PUS7L: variants seen among roughly 807,000 people sequenced by gnomAD.
PUS7L encodes pseudouridine synthase 7 like, also known as pseudouridylate synthase PUS7L.
In PUS7L, 49 loss-of-function variants were observed where a neutral mutation model predicts 51.1. That is an observed-to-expected ratio of 0.96 (90% CI 0.76 to 1.22). The LOEUF is 1.22. Among genes scored for constraint, PUS7L ranks in the 50% most tolerant of loss-of-function variants. The probability of loss-of-function intolerance (pLI) is 0.00; values close to 1 mark genes in which losing one functional copy is unlikely to be tolerated. For synonymous variants in PUS7L, 277 were observed against 276.2 expected, an observed-to-expected ratio of 1.00 and a Z score of -0.03; for missense variants, 828 against 820.6, an observed-to-expected ratio of 1.01 and a Z score of -0.11.
intron 5 of PUS7L, among the ~76,000 whole-genome samples, chr12:43,740,558 C>G (rs1937849746): frequency 6.6e-6 from 1 of 152,040 alleles, no homozygotes; most frequent in South Asian, 2.1e-4. Flanking sequence ...AAACTGAGAC[C>G]TAAAGAATAT....
At chr12:43,738,865 T>C (rs1937743461) in intron 5 of PUS7L, 2 of 308,944 alleles carry the variant, frequency 6.5e-6, no homozygotes, top group South Asian at 4.1e-5. Context: ...CAAGAAAACC[T>C]AGCATATTTC....
intron 1 of PUS7L, among the ~76,000 whole-genome samples, chr12:43,757,869 G>A (rs1250937762): frequency 6.6e-6 from 1 of 152,220 alleles, no homozygotes; most frequent in African/African-American, 2.4e-5. Context: ...CAGATACAGA[G>A]CAGTGGGGAT....
chr12:43,742,887 TACCAAG>T (rs568482179), intron 4 of PUS7L, among the ~76,000 whole-genome samples: 89 of 152,338 alleles, frequency 5.8e-4, no homozygotes, highest in Admixed American at 2.3e-3. Context: ...GATCACCTAG[TACCAAG>T]ATCTGATCCC....
intron 1 of PUS7L, among the ~76,000 whole-genome samples, chr12:43,757,024 C>T (rs1014700973): frequency 6.6e-6 from 1 of 152,218 alleles, no homozygotes; most frequent in African/African-American, 2.4e-5. Context: ...ACCCACTATA[C>T]TCCAGCTACT....
In PUS7L at chr12:43,727,665, G is replaced by A. The variant is rs1471366359; in HGVS notation, c.*2711C>T. 6.6e-6 allele frequency: 1 copy of A among 152,086 alleles called. No homozygotes were observed. Among genetic ancestry groups the A allele is most frequent in the Non-Finnish European group, 1.5e-5 (1 of 67,992 alleles). 9.4% of individuals were successfully genotyped at this position (152,086 alleles called of 1,614,324 possible). On this transcript the variant is annotated 3_prime_UTR_variant, in exon 9 of 9. Transcript: ENST00000344862. ...CTTGGACTCTAAGAAGGGAACAATA[G>A]GCACCATGGCCTACTTGAGGGTGGA...
Position 43,728,341 on chromosome 12 carries a change from C to G in PUS7L, c.*2035G>C, listed in dbSNP as rs141636444. The stretch of plus-strand genomic sequence containing the variant: ...TCAATAAATGTCTAAAATTATAGTG[C>G]CATCTGCAGGCAAAAAAAGTAAAAT... On this transcript the variant is annotated 3_prime_UTR_variant, in exon 9 of 9. Transcript: ENST00000344862. 1 of 152,082 alleles carries G rather than the reference C, an allele frequency of 6.6e-6. No individual in the cohort carries two copies. The highest frequency in any genetic ancestry group is 2.4e-5 in the African/African-American group (1 of 41,498). 9.4% of individuals were successfully genotyped at this position (152,082 alleles called of 1,614,324 possible).
At chr12:43,741,157 T>C (rs1395294282) in intron 5 of PUS7L, 1 of 152,188 alleles carries the variant, frequency 6.6e-6, no homozygotes, top group Non-Finnish European at 1.5e-5. Context: ...GCATGTAATA[T>C]GAGGTTTGAA....
intron 3 of PUS7L, among the ~76,000 whole-genome samples, chr12:43,747,322 A>T (rs1164300967): frequency 6.6e-6 from 1 of 152,222 alleles, no homozygotes; most frequent in Non-Finnish European, 1.5e-5. Flanking sequence ...ATTTCATGAC[A>T]TAAATTTTCA....
intron 1 of PUS7L, among the ~76,000 whole-genome samples, chr12:43,757,992 G>T (rs1454535292): frequency 6.6e-6 from 1 of 152,176 alleles, no homozygotes; most frequent in East Asian, 1.9e-4. Flanking sequence ...TCAATGGATG[G>T]CTACTGTTAG....
intron 1 of PUS7L, among the ~76,000 whole-genome samples, chr12:43,757,164 C>A (rs558170393): frequency 2.0e-5 from 3 of 152,148 alleles, no homozygotes; most frequent in Admixed American, 6.5e-5. Context: ...TCTACAGGAA[C>A]CTGCAAGTGA....
At position 43,755,879 on chromosome 12, in the gene PUS7L, C is replaced by A. The variant is rs547217362; in HGVS notation, c.-16-618G>T. 2.0e-5 allele frequency among the ~76,000 whole-genome samples: 3 copies of A among 152,308 alleles called. No homozygotes were observed. The South Asian group carries it at 6.2e-4, about 32-fold the overall frequency. On this transcript the variant is annotated intron_variant, in intron 1 of 8. Coordinates refer to ENST00000344862, the MANE Select transcript of PUS7L (RefSeq NM_031292.5). ...TTCAAGGTTGAGCCAGAGGAAAGTTCTAACTATATCATTGGCATCAGACAG... is the reference window on the plus strand; with the variant it reads ...TTCAAGGTTGAGCCAGAGGAAAGTTATAACTATATCATTGGCATCAGACAG...
chr12:43,754,253 A>T, intron 2 of PUS7L, 83 bp downstream of exon 2: 4 of 964,088 alleles, frequency 4.1e-6, no homozygotes, highest in Non-Finnish European at 4.7e-6. Context: ...CAATCTCTCT[A>T]GCCAAGTCTG....
At position 43,730,686 on chromosome 12, in the gene PUS7L, A is replaced by T. The variant is rs778557030; in HGVS notation, c.1796T>A (p.Leu599His). Residue 599 changes from leucine (L) to histidine (H), a missense_variant, in exon 9 of 9, where the codon CTT becomes CAT. Physicochemically the swap from Leu to His is moderately conservative, Grantham distance 99. Coordinates refer to ENST00000344862, the MANE Select transcript of PUS7L (RefSeq NM_031292.5). ...CTTCGGGTACTGAATATTGTATCCA[A>T]GTACTGGAAGAACCACCTGTGAAAG... ...YAIHQVVLPV[L>H]GYNIQYPKNK... is the part of the protein sequence containing the mutation. The T allele has an allele frequency of 6.3e-7, 1 of 1,595,970 alleles. No individual in the cohort carries two copies. The highest frequency in any genetic ancestry group is 8.6e-7 in the Non-Finnish European group (1 of 1,166,746).
At chr12:43,753,015 A>AT (rs59553631) in intron 2 of PUS7L, among the ~76,000 whole-genome samples, 1 of 152,020 alleles carries the variant, frequency 6.6e-6, no homozygotes, top group Non-Finnish European at 1.5e-5. Context: ...AAGTTCTATA[A>AT]TTTTTTTACT....
intron 1 of PUS7L, 55 bp downstream of exon 1, chr12:43,758,661 CCCCCCACACACACA>C: frequency 4.0e-6 from 3 of 753,698 alleles, no homozygotes; most frequent in African/African-American, 3.8e-5. Context: ...GTCACCCCCC[CCCCCCACACACACA>C]CACACACACA....
In PUS7L at chr12:43,755,104, T is replaced by G. The variant is rs1358629364; in HGVS notation, c.142A>C (p.Lys48Gln). 5 of 1,613,742 alleles carry G rather than the reference T, an allele frequency of 3.1e-6. No individual in the cohort carries two copies. Among genetic ancestry groups the G allele is most frequent in the Non-Finnish European group, 4.2e-6 (5 of 1,179,786 alleles). ...EIDEQGQLVN[K>Q]TIDEPIFKIS... The stretch of plus-strand genomic sequence containing the variant: ...TTGAAAATAGGCTCATCGATGGTCT[T>G]ATTAACTAACTGTCCCTGTTCATCA... The change falls in exon 2 of 9, where the codon AAG (lysine) becomes CAG (glutamine). Residue 48 changes from lysine (K) to glutamine (Q), a missense_variant. Lys to Gln is a moderately conservative substitution (Grantham distance 53). Coordinates refer to ENST00000344862, the MANE Select transcript of PUS7L (RefSeq NM_031292.5).
Position 43,722,469 on chromosome 12 carries a change from A to G in PUS7L, c.*7907T>C, listed in dbSNP as rs575425134. ...AATGCATTGGGATAATGCTCTTCCAACTTAGAATAACTGCTTCCCAGATTT... is the reference window on the plus strand; with the variant it reads ...AATGCATTGGGATAATGCTCTTCCAGCTTAGAATAACTGCTTCCCAGATTT... On this transcript the variant is annotated 3_prime_UTR_variant, in exon 9 of 9. Coordinates refer to ENST00000344862, the MANE Select transcript of PUS7L (RefSeq NM_031292.5). The G allele has an allele frequency of 6.6e-6, 1 of 152,136 alleles. No individual in the cohort carries two copies. The highest frequency in any genetic ancestry group is 1.9e-4 in the East Asian group (1 of 5,202). 9.4% of individuals were successfully genotyped at this position (152,136 alleles called of 1,614,324 possible).
chr12:43,752,638 C>A (rs889969886), intron 2 of PUS7L, among the ~76,000 whole-genome samples: 2 of 152,172 alleles, frequency 1.3e-5, no homozygotes, highest in African/African-American at 2.4e-5. Flanking sequence ...TACAAAAAGA[C>A]AAATACTGTA....
chr12:43,746,666 C>A (rs999915058), intron 3 of PUS7L, among the ~76,000 whole-genome samples: 9 of 152,332 alleles, frequency 5.9e-5, no homozygotes, highest in African/African-American at 2.2e-4. Flanking sequence ...CTCAAACTTT[C>A]AATTCTTCCC....
Sources: allele counts gnomAD v4.1 joint callset (sites outside exome capture counted in the v4.1 genomes callset), GRCh38; gene constraint gnomAD v4.1.1; transcripts MANE v1.5; gene names NCBI Gene and HGNC (gene_info 2026-07-23, HGNC 2026-07-21).